The following EYA1 variants were observed in gnomAD, a reference collection of about 807,000 sequenced individuals.
The protein encoded by EYA1 is EYA transcriptional coactivator and phosphatase 1.
In EYA1, 16 loss-of-function variants were observed where a neutral mutation model predicts 82.0. That is an observed-to-expected ratio of 0.20 (90% CI 0.13 to 0.30). EYA1 has a LOEUF of 0.30. EYA1 is among the 10% of genes least tolerant of loss of function. EYA1 has a pLI of 1.00. For synonymous variants in EYA1, 261 were observed against 264.4 expected, an observed-to-expected ratio of 0.99 and a Z score of 0.12; for missense variants, 633 against 730.7, an observed-to-expected ratio of 0.87 and a Z score of 1.54.
At chr8:71,374,415 A>T (rs1202297076) in intron 2 of EYA1, among the ~76,000 whole-genome samples, 2 of 152,186 alleles carry the variant, frequency 1.3e-5, no homozygotes, top group Non-Finnish European at 2.9e-5. Context: ...GGGAAATGCA[A>T]ATCAAAACCA....
At chr8:71,347,001 T>C (rs1713528443) in intron 3 of EYA1, among the ~76,000 whole-genome samples, 1 of 152,224 alleles carries the variant, frequency 6.6e-6, no homozygotes, top group Admixed American at 6.5e-5. Flanking sequence ...TTCGAGAAAC[T>C]TAGAAACTCT....
intron 9 of EYA1, among the ~76,000 whole-genome samples, chr8:71,289,128 C>T (rs1309253986): frequency 6.6e-6 from 1 of 151,876 alleles, no homozygotes; most frequent in Non-Finnish European, 1.5e-5. Context: ...CAAGGAGGTC[C>T]CTGGAAGGAA....
intron 12 of EYA1, among the ~76,000 whole-genome samples, chr8:71,229,835 T>C (rs1469208069): frequency 6.6e-6 from 1 of 152,214 alleles, no homozygotes; most frequent in Non-Finnish European, 1.5e-5. Flanking sequence ...TTTAACTTTC[T>C]GACAAAATAC....
chr8:71,464,998 T>C (rs995570702), intron 2 of EYA1, among the ~76,000 whole-genome samples: 3 of 152,338 alleles, frequency 2.0e-5, no homozygotes, highest in Non-Finnish European at 2.9e-5. Context: ...CGTCTTATTG[T>C]AAAATGTATA....
chr8:71,416,544 G>A (rs940356573), intron 2 of EYA1, among the ~76,000 whole-genome samples: 12 of 152,160 alleles, frequency 7.9e-5, no homozygotes, highest in African/African-American at 2.9e-4. Context: ...CATTTGGGAG[G>A]CCTAATTTAT....
intron 2 of EYA1, among the ~76,000 whole-genome samples, chr8:71,453,821 G>T (rs189430841): frequency 6.6e-6 from 1 of 152,012 alleles, no homozygotes; most frequent in African/African-American, 2.4e-5. Context: ...AAAATATGCC[G>T]AATTGTAAAG....
At chr8:71,395,941 G>A (rs574207628) in intron 2 of EYA1, among the ~76,000 whole-genome samples, 84 of 152,114 alleles carry the variant, frequency 5.5e-4, no homozygotes, top group Admixed American at 1.8e-3. Flanking sequence ...TTGGTTGGTA[G>A]GCTATTAATT....
intron 9 of EYA1, among the ~76,000 whole-genome samples, chr8:71,294,144 A>T (rs1480735846): frequency 6.6e-6 from 1 of 152,180 alleles, no homozygotes; most frequent in African/African-American, 2.4e-5. Context: ...TATACCAGCA[A>T]TGAGCAGTTG....
In EYA1 at chr8:71,369,213, A is replaced by C. The variant is rs187332285; in HGVS notation, c.34-12702T>G. 2.2e-3 allele frequency among the ~76,000 whole-genome samples: 334 copies of C among 152,010 alleles called. 3 individuals carry two copies. Among genetic ancestry groups the C allele is most frequent in the African/African-American group, 7.6e-3 (313 of 41,432 alleles). On this transcript the variant is annotated intron_variant, in intron 2 of 18. Transcript: ENST00000643681. Reference sequence around the variant, plus strand: ...GCGAGACTCCGTCTCAAAAAAAAAAAAAAAAAAAAACTTCTTAAAGCAGTA... The same window carrying C: ...GCGAGACTCCGTCTCAAAAAAAAAACAAAAAAAAAACTTCTTAAAGCAGTA...
At chr8:71,396,934 T>C (rs1829656553) in intron 2 of EYA1, among the ~76,000 whole-genome samples, 1 of 152,212 alleles carries the variant, frequency 6.6e-6, no homozygotes, top group East Asian at 1.9e-4. Context: ...AATCTCTTTA[T>C]AGGTCTCTAA....
At chr8:71,428,842 G>A (rs544735966) in intron 2 of EYA1, among the ~76,000 whole-genome samples, 17 of 152,134 alleles carry the variant, frequency 1.1e-4, no homozygotes, top group Non-Finnish European at 2.4e-4. Context: ...GGAGAAACAA[G>A]AGAGAAAGCT....
intron 4 of EYA1, 25 bp from the exon 5 acceptor site, chr8:71,322,293 T>G (rs775377609): frequency 6.3e-7 from 1 of 1,586,674 alleles, no homozygotes; most frequent in Non-Finnish European, 8.7e-7. Context: ...CAAAACAAAA[T>G]AATGCACAAT....
intron 2 of EYA1, among the ~76,000 whole-genome samples, chr8:71,471,099 A>G (rs1807073840): frequency 6.6e-6 from 1 of 152,052 alleles, no homozygotes; most frequent in Non-Finnish European, 1.5e-5. Flanking sequence ...GTCCTGTTTC[A>G]AGCCCCAGAG....
At chr8:71,403,584 A>T (rs1830066344) in intron 2 of EYA1, 1 of 152,188 alleles carries the variant, frequency 6.6e-6, no homozygotes, top group African/African-American at 2.4e-5. Context: ...CATTTTGGTT[A>T]CTGCAAAAAT....
chr8:71,386,973 G>A (rs1041152947), intron 2 of EYA1, among the ~76,000 whole-genome samples: 1 of 152,080 alleles, frequency 6.6e-6, no homozygotes, highest in African/African-American at 2.4e-5. Context: ...AGCAGATGGG[G>A]GATTAGCCAT....
chr8:71,454,954 T>A (rs1348445108), intron 2 of EYA1, among the ~76,000 whole-genome samples: 1 of 149,960 alleles, frequency 6.7e-6, no homozygotes, highest in Non-Finnish European at 1.5e-5. Context: ...ACACAAAAAA[T>A]CAGTGAATCC....
At chr8:71,291,559 T>C (rs1260435861) in intron 9 of EYA1, among the ~76,000 whole-genome samples, 2 of 152,226 alleles carry the variant, frequency 1.3e-5, no homozygotes, top group Non-Finnish European at 2.9e-5. Context: ...ACGGCATTCA[T>C]ACTAAATCTT....
At chr8:71,413,164 C>G (rs929855638) in intron 2 of EYA1, among the ~76,000 whole-genome samples, 5 of 152,060 alleles carry the variant, frequency 3.3e-5, no homozygotes, top group African/African-American at 9.7e-5. Flanking sequence ...CAAAGATGAC[C>G]AAAAGTCCAG....
intron 2 of EYA1, among the ~76,000 whole-genome samples, chr8:71,436,682 G>A (rs1265673629): frequency 6.6e-6 from 1 of 152,136 alleles, no homozygotes; most frequent in Non-Finnish European, 1.5e-5. Flanking sequence ...CGCCTGATGA[G>A]ATTGTAAAAA....
Sources: gnomAD v4.1 joint callset for allele counts (sites outside exome capture counted in the v4.1 genomes callset) on GRCh38, gnomAD v4.1.1 for gene constraint, MANE v1.5 for transcripts, NCBI Gene and HGNC (gene_info 2026-07-23, HGNC 2026-07-21) for gene names.